The following SLC35D4 variants were observed in gnomAD, a reference collection of about 807,000 sequenced individuals.
SLC35D4 encodes solute carrier family 35 member D4.
the SLC35D4 span, among the ~76,000 whole-genome samples, chr18:23,302,162 C>T: frequency 2.0e-5 from 3 of 152,172 alleles, no homozygotes; most frequent in African/African-American, 7.2e-5. Context: ...ACCTGTCACT[C>T]GCCAGCCACC....
At chr18:23,339,760 C>T in the SLC35D4 span, among the ~76,000 whole-genome samples, 3 of 152,188 alleles carry the variant, frequency 2.0e-5, no homozygotes, top group Admixed American at 6.5e-5. Context: ...TCAGAGATGG[C>T]ACTTTCTCAC....
At chr18:23,404,431 T>C in the SLC35D4 span, among the ~76,000 whole-genome samples, 1 of 150,062 alleles carries the variant, frequency 6.7e-6, no homozygotes. Flanking sequence ...TCCCAGCACT[T>C]TGGGAGGCCG....
At chr18:23,313,126 C>CAAAAAAAAAAAAAAAAAAAAAAAAAAAA in the SLC35D4 span, among the ~76,000 whole-genome samples, 4 of 29,488 alleles carry the variant, frequency 1.4e-4, 2 homozygotes, top group Non-Finnish European at 1.2e-4. Flanking sequence ...GACTACATCT[C>CAAAAAAAAAAAAAAAAAAAAAAAAAAAA]AAAAAAAAAA....
chr18:23,363,609 C>T, the SLC35D4 span, among the ~76,000 whole-genome samples: 8 of 151,906 alleles, frequency 5.3e-5, no homozygotes, highest in African/African-American at 1.7e-4. Context: ...CTCCTGACCT[C>T]GTGATCCACC....
the SLC35D4 span, among the ~76,000 whole-genome samples, chr18:23,354,050 ACAGATGTAG>A: frequency 6.6e-6 from 1 of 152,182 alleles, no homozygotes; most frequent in Non-Finnish European, 1.5e-5. Context: ...ACAGCAGTGG[ACAGATGTAG>A]TTGCCTGCGC....
At chr18:23,298,181 C>T in the SLC35D4 span, 1 of 1,207,626 alleles carries the variant, frequency 8.3e-7, no homozygotes, top group South Asian at 1.3e-5. Context: ...TGAGACTCAT[C>T]ACCAGCCCGA....
chr18:23,403,669 A>G, the SLC35D4 span, among the ~76,000 whole-genome samples: 1 of 152,320 alleles, frequency 6.6e-6, no homozygotes, highest in African/African-American at 2.4e-5. Context: ...TTAAGACAGG[A>G]AAAAGTTGAA....
the SLC35D4 span, among the ~76,000 whole-genome samples, chr18:23,307,799 A>G: frequency 1.3e-5 from 2 of 152,112 alleles, no homozygotes; most frequent in Non-Finnish European, 2.9e-5. Flanking sequence ...AGCTACCATC[A>G]CAACGGCCAC....
At chr18:23,291,053 A>G in the SLC35D4 span, among the ~76,000 whole-genome samples, 1 of 152,244 alleles carries the variant, frequency 6.6e-6, no homozygotes. Flanking sequence ...CCTGGCACTC[A>G]GTAGGTCTCA....
the SLC35D4 span, chr18:23,370,312 C>A: frequency 4.4e-6 from 7 of 1,587,492 alleles, no homozygotes; most frequent in South Asian, 7.9e-5. Context: ...GCTCAAGGAG[C>A]TGCTGGCCTG....
the SLC35D4 span, chr18:23,310,155 T>C: frequency 3.1e-5 from 29 of 940,730 alleles, no homozygotes; most frequent in Non-Finnish European, 3.7e-5. Flanking sequence ...TGTTCTCGGA[T>C]CCTCCAGATA....
chr18:23,384,061 G>A, the SLC35D4 span, among the ~76,000 whole-genome samples: 2 of 150,520 alleles, frequency 1.3e-5, no homozygotes, highest in Admixed American at 6.6e-5. Context: ...GGCTGAGGCA[G>A]GAGGATCCTT....
At chr18:23,406,403 C>T in the SLC35D4 span, among the ~76,000 whole-genome samples, 32 of 152,268 alleles carry the variant, frequency 2.1e-4, 1 homozygote, top group Admixed American at 2.0e-3. Flanking sequence ...ATGTGACCTT[C>T]GTGGTGTTAA....
At chr18:23,420,623 G>A in the SLC35D4 span, among the ~76,000 whole-genome samples, 5 of 152,036 alleles carry the variant, frequency 3.3e-5, no homozygotes, top group Non-Finnish European at 7.4e-5. Context: ...TGATCTTCCT[G>A]CCTTGGTTTC....
chr18:23,376,970 G>C, the SLC35D4 span: 1 of 456,322 alleles, frequency 2.2e-6, no homozygotes, highest in Non-Finnish European at 4.4e-6. Context: ...AGGAGGGTGG[G>C]GGATTGGATG....
At chr18:23,352,159 T>C in the SLC35D4 span, 3 of 1,562,250 alleles carry the variant, frequency 1.9e-6, no homozygotes, top group South Asian at 3.5e-5. Flanking sequence ...ATACACAGGC[T>C]CTTGAGAGAG....
chr18:23,309,228 TTGTGTGTGTGTG>T, the SLC35D4 span, among the ~76,000 whole-genome samples: 3 of 145,674 alleles, frequency 2.1e-5, no homozygotes, highest in Non-Finnish European at 4.5e-5. Context: ...AAAGGGCTGA[TTGTGTGTGTGTG>T]TGTGTGTGTG....
the SLC35D4 span, among the ~76,000 whole-genome samples, chr18:23,245,262 C>T: frequency 2.0e-5 from 3 of 152,190 alleles, no homozygotes; most frequent in Admixed American, 6.5e-5. Flanking sequence ...AACCCCAACG[C>T]TTTGGGAGGC....
the SLC35D4 span, among the ~76,000 whole-genome samples, chr18:23,407,990 C>G: frequency 6.6e-6 from 1 of 152,186 alleles, no homozygotes; most frequent in Non-Finnish European, 1.5e-5. Flanking sequence ...CCAAGCACCT[C>G]AGGGCTGGCT....
Sources: allele counts gnomAD v4.1 joint callset (sites outside exome capture counted in the v4.1 genomes callset), GRCh38; gene constraint gnomAD v4.1.1; transcripts MANE v1.5; gene names NCBI Gene and HGNC (gene_info 2026-07-23, HGNC 2026-07-21).